The following SLC13A1 variants were observed in gnomAD, a reference collection of about 807,000 sequenced individuals.
SLC13A1 encodes Na(+)/sulfate cotransporter.
SLC13A1 carries 65 observed loss-of-function variants against 70.0 expected under a neutral mutation model. That is an observed-to-expected ratio of 0.93 (90% CI 0.76 to 1.14). The LOEUF (loss-of-function observed/expected upper bound fraction) is 1.14, where lower values mean the gene tolerates loss of function less well. Among genes scored for constraint, SLC13A1 ranks in the 50% most tolerant of loss-of-function variants. The pLI, the probability that SLC13A1 is intolerant of heterozygous loss-of-function variation, is 0.00. For synonymous variants in SLC13A1, 275 were observed against 250.5 expected, an observed-to-expected ratio of 1.10 and a Z score of -0.92; for missense variants, 726 against 717.8, an observed-to-expected ratio of 1.01 and a Z score of -0.13.
chr7:123,171,289 A>G (rs1795263155), intron 3 of SLC13A1, among the ~76,000 whole-genome samples: 1 of 152,346 alleles, frequency 6.6e-6, no homozygotes, highest in African/African-American at 2.4e-5. Context: ...AGTTGGTTTA[A>G]AAAGAAAAAT....
At chr7:123,189,594 CA>C (rs1361421729) in intron 1 of SLC13A1, among the ~76,000 whole-genome samples, 1 of 152,036 alleles carries the variant, frequency 6.6e-6, no homozygotes. Context: ...GATTTTCATT[CA>C]AATTACACAG....
intron 2 of SLC13A1, among the ~76,000 whole-genome samples, chr7:123,172,636 T>C (rs915390140): frequency 6.6e-6 from 1 of 152,082 alleles, no homozygotes; most frequent in Admixed American, 6.6e-5. Flanking sequence ...ATAATAATAA[T>C]AAAATTGTAA....
chr7:123,154,106 A>G (rs1273627163), intron 6 of SLC13A1, among the ~76,000 whole-genome samples: 14 of 152,112 alleles, frequency 9.2e-5, no homozygotes, highest in Non-Finnish European at 2.1e-4. Context: ...AGTGTGACCC[A>G]GCTGATTACT....
intron 13 of SLC13A1, 39 bp downstream of exon 13, chr7:123,119,042 C>T: frequency 1.3e-6 from 2 of 1,576,042 alleles, no homozygotes; most frequent in South Asian, 2.3e-5. Flanking sequence ...GAGTACTGCT[C>T]TTAATGAAGA....
chr7:123,171,722 T>C lies in SLC13A1; in HGVS notation c.365+46A>G, dbSNP rs10247045. The C allele has an allele frequency of 8.9e-3, 14,202 of 1,593,452 alleles. 1,055 individuals carry two copies. In the African/African-American group the frequency reaches 0.16, roughly 18 times the overall value. ...TTTGATTATTTGCTCTGCACAAAAA[T>C]GGTCTGTTCAGCAGGTAAACTGGAA... On this transcript the variant is annotated intron_variant, in intron 3 of 14. Transcript: ENST00000194130.
chr7:123,131,175 G>A lies in SLC13A1; in HGVS notation c.933-1694C>T, dbSNP rs944631655. Among the ~76,000 whole-genome samples the A allele has an allele frequency of 2.6e-5, 4 of 152,120 alleles. No homozygotes were observed. The South Asian group carries it at 8.3e-4, about 32-fold the overall frequency. ...GCCTGAATATGAGTGAATGGACAGTGCTACATTTATGATCAATTAGGAAAT... is the reference window on the plus strand; with the variant it reads ...GCCTGAATATGAGTGAATGGACAGTACTACATTTATGATCAATTAGGAAAT... On this transcript the variant is annotated intron_variant, in intron 8 of 14. Coordinates refer to ENST00000194130, the MANE Select transcript of SLC13A1 (RefSeq NM_022444.4).
At chr7:123,194,708 A>C (rs1249600899) in intron 1 of SLC13A1, among the ~76,000 whole-genome samples, 1 of 152,084 alleles carries the variant, frequency 6.6e-6, no homozygotes, top group Non-Finnish European at 1.5e-5. Flanking sequence ...AGGAGGATTT[A>C]GATTAAGGAG....
intron 7 of SLC13A1, among the ~76,000 whole-genome samples, chr7:123,141,286 T>C (rs1794130572): frequency 6.6e-6 from 1 of 152,190 alleles, no homozygotes; most frequent in African/African-American, 2.4e-5. Context: ...TTTGATATTA[T>C]TTCAATTTTT....
intron 6 of SLC13A1, among the ~76,000 whole-genome samples, chr7:123,166,884 G>T (rs1030834932): frequency 6.6e-6 from 1 of 152,204 alleles, no homozygotes; most frequent in Non-Finnish European, 1.5e-5. Context: ...GTGGGCGAAG[G>T]ATATGAACAG....
At chr7:123,177,253 C>A (rs1795478187) in intron 2 of SLC13A1, among the ~76,000 whole-genome samples, 1 of 151,960 alleles carries the variant, frequency 6.6e-6, no homozygotes, top group South Asian at 2.1e-4. Context: ...TCTAATCAAT[C>A]AGGAAAGTTT....
At position 123,117,561 on chromosome 7, in the gene SLC13A1, A is replaced by G; in HGVS notation, c.1560T>C (p.Thr520=). 1 of 1,612,134 alleles carries G rather than the reference A, an allele frequency of 6.2e-7. No homozygotes were observed. Among genetic ancestry groups the G allele is most frequent in the Non-Finnish European group, 8.5e-7 (1 of 1,178,354 alleles). The stretch of plus-strand genomic sequence containing the variant: ...GGAGGAATGCAAATGAAGTACACAG[A>G]GTAGAAGGTATCAGAATATAAAGAG... ...VNPLYILIPS[T]LCTSFAFLLP... Residue 520 remains threonine (T), a synonymous_variant, in exon 14 of 15, where the codon ACT becomes ACC. Coordinates refer to ENST00000194130, the MANE Select transcript of SLC13A1 (RefSeq NM_022444.4).
rs756329390 is a variant in SLC13A1 at position 123,147,227 on chromosome 7, A to C, written c.744T>G (p.Ser248=). 2 of 1,613,748 alleles carry C rather than the reference A, an allele frequency of 1.2e-6. No individual in the cohort carries two copies. The highest frequency in any genetic ancestry group is 1.7e-6 in the Non-Finnish European group (2 of 1,179,820). Residue 248 remains serine, a synonymous_variant, in exon 7 of 15, where the codon TCT becomes TCG. Coordinates refer to ENST00000194130, the MANE Select transcript of SLC13A1 (RefSeq NM_022444.4). The part of the protein sequence containing the change: ...KLTCLCIAYS[S]TIGGLTTITG... ...TGATTGTTGTCAGTCCACCAATGGT[A>C]GAAGAGTAGGCAATGCACAAACACG...
intron 1 of SLC13A1, among the ~76,000 whole-genome samples, chr7:123,181,413 C>G (rs929874924): frequency 3.9e-5 from 6 of 152,118 alleles, no homozygotes; most frequent in Non-Finnish European, 8.8e-5. Context: ...TACTCACTTT[C>G]CTTTGGCCTA....
At chr7:123,150,076 T>C (rs7804180) in intron 6 of SLC13A1, among the ~76,000 whole-genome samples, 50,437 of 152,070 alleles carry the variant, frequency 0.33, 8,693 homozygotes, top group African/African-American at 0.42. Flanking sequence ...GCAGATGGGA[T>C]CATTCATGAT....
intron 1 of SLC13A1, among the ~76,000 whole-genome samples, chr7:123,198,688 G>T (rs1478201860): frequency 6.6e-6 from 1 of 152,056 alleles, no homozygotes; most frequent in Non-Finnish European, 1.5e-5. Flanking sequence ...ACTGGCAAAG[G>T]CTTCTGGCAG....
At chr7:123,188,022 G>A (rs140802442) in intron 1 of SLC13A1, among the ~76,000 whole-genome samples, 12 of 152,258 alleles carry the variant, frequency 7.9e-5, no homozygotes, top group Admixed American at 3.3e-4. Flanking sequence ...GACATGGTTA[G>A]GCTTTTTGTC....
At chr7:123,187,963 C>G (rs528784930) in intron 1 of SLC13A1, among the ~76,000 whole-genome samples, 2 of 152,226 alleles carry the variant, frequency 1.3e-5, no homozygotes, top group South Asian at 2.1e-4. Flanking sequence ...GAACTTCAAA[C>G]GGGAAGGAGT....
intron 6 of SLC13A1, among the ~76,000 whole-genome samples, chr7:123,153,660 A>AG (rs1222490542): frequency 6.6e-6 from 1 of 152,058 alleles, no homozygotes; most frequent in Non-Finnish European, 1.5e-5. Context: ...AATTATACAA[A>AG]GGGGGCAGGT....
chr7:123,135,139 A>G (rs1793911609), intron 7 of SLC13A1, among the ~76,000 whole-genome samples: 1 of 152,208 alleles, frequency 6.6e-6, no homozygotes, highest in Non-Finnish European at 1.5e-5. Context: ...GCTTTGGGGC[A>G]CAGTCAAATG....
Sources: gnomAD v4.1 joint callset for allele counts (sites outside exome capture counted in the v4.1 genomes callset) on GRCh38, gnomAD v4.1.1 for gene constraint, MANE v1.5 for transcripts, NCBI Gene and HGNC (gene_info 2026-07-23, HGNC 2026-07-21) for gene names.